GCN1: variants seen among roughly 807,000 people sequenced by gnomAD.
GCN1 encodes the protein GCN1 activator of EIF2AK4, also known as stalled ribosome sensor GCN1.
In GCN1, 90 loss-of-function variants were observed where a neutral mutation model predicts 288.4. That is an observed-to-expected ratio of 0.31 (90% CI 0.26 to 0.37). The LOEUF is 0.37. Ranked by LOEUF, GCN1 falls within the 10% of genes least tolerant of loss-of-function variation. The pLI is 1.00. For missense variants in GCN1, 2,586 were observed against 3,419.9 expected, an observed-to-expected ratio of 0.76 and a Z score of 6.08; for synonymous variants, 1,386 against 1,420.2, an observed-to-expected ratio of 0.98 and a Z score of 0.54.
chr12:120,167,665 A>T (rs1156344980), intron 16 of GCN1, among the ~76,000 whole-genome samples: 1 of 152,190 alleles, frequency 6.6e-6, no homozygotes, highest in African/African-American at 2.4e-5. Flanking sequence ...AAATTTAGCT[A>T]AAAATTTTTC....
chr12:120,154,561 C>T (rs1293493645), intron 31 of GCN1, among the ~76,000 whole-genome samples: 2 of 152,220 alleles, frequency 1.3e-5, no homozygotes, highest in African/African-American at 4.8e-5. Context: ...TGGAGAAAGG[C>T]TGGTAGCTTC....
Position 120,142,699 on chromosome 12 carries a change from T to C in GCN1, c.5637A>G (p.Val1879=), listed in dbSNP as rs1420061972. Residue 1879 remains valine (V), a synonymous_variant, in exon 44 of 58, where the codon GTA becomes GTG. Transcript: ENST00000300648. This position sits in a 1 kb window ranked among gnomAD's most constrained non-coding sequence, Gnocchi z 4.9. ...SNKAIITALG[V]ERRNRVLAGL... ...CTGCCAACACCCGGTTCCGCCGCTC[T>C]ACCCCCAGGGCAGTGATGATCGCCT... The C allele has an allele frequency of 6.2e-7, 1 of 1,614,106 alleles. No individual in the cohort carries two copies. Among genetic ancestry groups the C allele is most frequent in the East Asian group, 2.2e-5 (1 of 44,882 alleles).
intron 38 of GCN1, among the ~76,000 whole-genome samples, chr12:120,146,284 A>T (rs1375172875): frequency 2.6e-5 from 4 of 151,684 alleles, no homozygotes; most frequent in Non-Finnish European, 1.5e-5. Flanking sequence ...AAAAAAAAAA[A>T]TTAACAGTAA....
intron 20 of GCN1, among the ~76,000 whole-genome samples, chr12:120,162,544 C>T (rs927128519): frequency 3.9e-5 from 6 of 152,204 alleles, no homozygotes; most frequent in African/African-American, 1.4e-4. Context: ...GAGCCCACAT[C>T]GTGGAAAACA....
intron 14 of GCN1, among the ~76,000 whole-genome samples, chr12:120,171,141 CAAA>C (rs56734169): frequency 4.5e-5 from 4 of 88,436 alleles, no homozygotes; most frequent in Non-Finnish European, 5.0e-5. Flanking sequence ...ACCCCATCTC[CAAA>C]AAAAAAAAAA....
chr12:120,184,317 T>C (rs1031210637), intron 3 of GCN1, 74 bp from the exon 4 acceptor site: 12 of 1,314,290 alleles, frequency 9.1e-6, no homozygotes, highest in African/African-American at 1.5e-5. Flanking sequence ...GCTCAGGCCA[T>C]ACACTGGTCT....
intron 5 of GCN1, among the ~76,000 whole-genome samples, chr12:120,183,042 C>G (rs1208878458): frequency 6.6e-6 from 1 of 151,862 alleles, no homozygotes; most frequent in Non-Finnish European, 1.5e-5. Flanking sequence ...ACCTCCCAAC[C>G]TGGTGAGCAG....
At position 120,134,539 on chromosome 12, in the gene GCN1, C is replaced by G. The variant is rs961495570; in HGVS notation, c.7196G>C (p.Gly2399Ala). The G allele has an allele frequency of 6.2e-7, 1 of 1,613,420 alleles. No individual in the cohort carries two copies. The highest frequency in any genetic ancestry group is 8.5e-7 in the Non-Finnish European group (1 of 1,179,482). The change falls in exon 52 of 58, where the codon GGT (glycine) becomes GCT (alanine). Residue 2399 changes from glycine to alanine, a missense_variant. Gly to Ala is a moderately conservative substitution (Grantham distance 60, BLOSUM62 0). Around this residue, in one of 8 missense-constraint regions of GCN1, gnomAD observed 355 missense variants for 431.1 expected, o/e 0.82. Coordinates refer to ENST00000300648, the MANE Select transcript of GCN1 (RefSeq NM_006836.2). This position sits in a 1 kb window ranked among gnomAD's most constrained non-coding sequence, Gnocchi z 5.0. ...TCCCTTGCCAGCGCCGTACCTGACACCTGGGTCCTCCATGGCGCGGATGCC... is the reference window on the plus strand; with the variant it reads ...TCCCTTGCCAGCGCCGTACCTGACAGCTGGGTCCTCCATGGCGCGGATGCC... ...LNGIRAMEDPGVRDTMLQALR... is the reference protein window; with the variant it reads ...LNGIRAMEDPAVRDTMLQALR...
At position 120,151,126 on chromosome 12, in the gene GCN1, C is replaced by T; in HGVS notation, c.4309+19G>A. The T allele has an allele frequency of 6.2e-7, 1 of 1,609,414 alleles. No individual in the cohort carries two copies. The highest frequency in any genetic ancestry group is 8.5e-7 in the Non-Finnish European group (1 of 1,178,406). Reference sequence around the variant, plus strand: ...ACCAACTTCCCATGCTGGGCAGCCCCAAGCTCAGAGATGCTCACCCTCTCG... The same window carrying T: ...ACCAACTTCCCATGCTGGGCAGCCCTAAGCTCAGAGATGCTCACCCTCTCG... On this transcript the variant is annotated intron_variant, in intron 34 of 57. Transcript: ENST00000300648.
At chr12:120,177,642 G>A (rs1878522394) in intron 8 of GCN1, 42 bp downstream of exon 8, 3 of 1,563,478 alleles carry the variant, frequency 1.9e-6, no homozygotes, top group Non-Finnish European at 2.6e-6. Flanking sequence ...AATTGAAAAT[G>A]GGATCAGTTG....
In GCN1 at chr12:120,144,177, T is replaced by C; in HGVS notation, c.5495+129A>G. 1.0e-5 allele frequency: 10 copies of C among 969,174 alleles called. No individual in the cohort carries two copies. Among genetic ancestry groups the C allele is most frequent in the Non-Finnish European group, 1.3e-5 (8 of 625,072 alleles). 60.0% of individuals were successfully genotyped at this position (969,174 alleles called of 1,614,324 possible). ...TTTTTATAGAGACAGGGTCTCACTA[T>C]GTTGCCAGGGCTCATCGTAAACTCC... On this transcript the variant is annotated intron_variant, in intron 42 of 57. Transcript: ENST00000300648. The surrounding 1 kb of genome is among the most constrained non-coding windows in gnomAD (Gnocchi z 4.7).
Position 120,168,294 on chromosome 12 carries a change from T to G in GCN1, c.1526A>C (p.Lys509Thr). 1.3e-6 allele frequency: 2 copies of G among 1,598,104 alleles called. No individual in the cohort carries two copies. Among genetic ancestry groups the G allele is most frequent in the South Asian group, 2.2e-5 (2 of 90,716 alleles). Residue 509 changes from lysine (K) to threonine (T), a missense_variant, in exon 16 of 58, where the codon AAA (lysine) becomes ACA (threonine). Lys to Thr is a moderately conservative substitution (Grantham distance 78). Around this residue, in one of 8 missense-constraint regions of GCN1, gnomAD observed 913 missense variants for 1,107.0 expected, o/e 0.82. Transcript: ENST00000300648. ...AATCAACTGCCAGAAACTGCTCAGT[T>G]TGGCCTCTGCAAGAAACAAAAGGTT... is the stretch of plus-strand genomic sequence containing the variant. ...LSVADSQAEA[K>T]LSSFWQLIVD...
chr12:120,165,086 C>T (rs1346861286), intron 16 of GCN1, among the ~76,000 whole-genome samples: 7 of 151,214 alleles, frequency 4.6e-5, no homozygotes, highest in Admixed American at 4.6e-4. Context: ...GCTCTGTCGC[C>T]CAGGCTGGAG....
intron 2 of GCN1, 110 bp from the exon 3 acceptor site, chr12:120,184,997 A>G: frequency 1.4e-6 from 1 of 720,620 alleles, no homozygotes; most frequent in Non-Finnish European, 2.5e-6. Flanking sequence ...CTCCCCATAT[A>G]TTTAAGACCT....
chr12:120,175,957 T>C (rs1878469830), intron 10 of GCN1, 83 bp from the exon 11 acceptor site: 5 of 1,490,168 alleles, frequency 3.4e-6, no homozygotes, highest in Non-Finnish European at 3.7e-6. Context: ...TGCCCCCATC[T>C]CTTCAGTATT....
chr12:120,145,187 G>A, intron 39 of GCN1, 75 bp downstream of exon 39: 1 of 1,553,604 alleles, frequency 6.4e-7, no homozygotes, highest in South Asian at 1.1e-5. Context: ...AAGCAGCTTT[G>A]GGGAATTCTC....
chr12:120,147,177 T>C lies in GCN1; in HGVS notation c.4822A>G (p.Ile1608Val). Residue 1608 changes from isoleucine (I) to valine (V), a missense_variant, in exon 38 of 58, where the codon ATT becomes GTT. By Grantham distance (29) the Ile-to-Val change is conservative. This residue lies in a region of GCN1 where 371 missense variants were observed against 572.6 expected (regional missense o/e 0.65). Coordinates refer to ENST00000300648, the MANE Select transcript of GCN1 (RefSeq NM_006836.2). ...TLLDTKFVHF[I>V]DAPSLALIMP... The stretch of plus-strand genomic sequence containing the variant: ...ATGAGGGCCAGGGATGGGGCATCAA[T>C]GAAGTGGACAAACTTGGTGTCCAGC... 1 of 1,613,314 alleles carries C rather than the reference T, an allele frequency of 6.2e-7. No homozygotes were observed.
chr12:120,161,466 C>A, intron 22 of GCN1, 24 bp downstream of exon 22: 1 of 1,532,264 alleles, frequency 6.5e-7, no homozygotes, highest in South Asian at 1.1e-5. Context: ...CAGCCACCTT[C>A]CGTAAGTGCC....
Position 120,129,506 on chromosome 12 carries a change from A to AC in GCN1, c.7672-13dup. On this transcript the variant is annotated splice_polypyrimidine_tract_variant and intron_variant, in intron 56 of 57. Coordinates refer to ENST00000300648, the MANE Select transcript of GCN1 (RefSeq NM_006836.2). ...GGGTTCTGCAGACACTGTAAAAAGA[A>AC]CCACAAACAGGCTTTTGGATAGGCA... 6.3e-7 allele frequency: 1 copy of AC among 1,597,006 alleles called. No homozygotes were observed. The highest frequency in any genetic ancestry group is 8.6e-7 in the Non-Finnish European group (1 of 1,164,436).
Sources: gnomAD v4.1 joint callset for allele counts (sites outside exome capture counted in the v4.1 genomes callset) on GRCh38, gnomAD v4.1.1 for gene constraint, gnomAD v4.1.1 regional missense constraint, Gnocchi (gnomAD v3.1) non-coding constraint, MANE v1.5 for transcripts, NCBI Gene and HGNC (gene_info 2026-07-23, HGNC 2026-07-21) for gene names.